The following SCAI variants were observed in gnomAD, a reference collection of about 807,000 sequenced individuals.
SCAI encodes the protein suppressor of cancer cell invasion.
Under a neutral mutation model 92.2 loss-of-function variants are expected in SCAI, and 24 were observed. The observed-to-expected ratio is 0.26, with a 90% CI of 0.19 to 0.37. SCAI has a LOEUF of 0.37. SCAI is among the 10% of genes least tolerant of loss of function. The probability of loss-of-function intolerance (pLI) is 1.00; values close to 1 mark genes in which losing one functional copy is unlikely to be tolerated. For synonymous variants in SCAI, 261 were observed against 258.6 expected, an observed-to-expected ratio of 1.01 and a Z score of -0.09; for missense variants, 450 against 736.2, an observed-to-expected ratio of 0.61 and a Z score of 4.50.
At chr9:124,999,768 C>A in intron 13 of SCAI, 123 bp downstream of exon 13, 1 of 594,890 alleles carries the variant, frequency 1.7e-6, no homozygotes, top group Non-Finnish European at 2.9e-6. Flanking sequence ...TGGTCTGTCC[C>A]TAAATCTTAG....
chr9:125,088,747 G>C (rs1564408199), intron 2 of SCAI, among the ~76,000 whole-genome samples: 1 of 151,936 alleles, frequency 6.6e-6, no homozygotes, highest in Admixed American at 6.6e-5. Flanking sequence ...CAAAGTTCTA[G>C]GATTACAGGC....
At chr9:125,109,653 TTATC>T (rs61141143) in intron 2 of SCAI, among the ~76,000 whole-genome samples, 21,337 of 147,836 alleles carry the variant, frequency 0.14, 1,907 homozygotes, top group Admixed American at 0.26. Flanking sequence ...AGGTTTCCAT[TTATC>T]TATCTATCTA....
At chr9:124,972,181 T>A (rs115907398) in intron 15 of SCAI, among the ~76,000 whole-genome samples, 1,578 of 152,324 alleles carry the variant, frequency 0.01, 25 homozygotes, top group African/African-American at 0.036. Flanking sequence ...CAAACGCCAG[T>A]CTTTTTCATT....
intron 11 of SCAI, among the ~76,000 whole-genome samples, chr9:125,002,333 A>G (rs1832377583): frequency 6.6e-6 from 1 of 152,150 alleles, no homozygotes; most frequent in South Asian, 2.1e-4. Context: ...TCCTGACTAC[A>G]TGGCTACAAG....
chr9:125,022,715 G>A (rs1456802153), intron 6 of SCAI, among the ~76,000 whole-genome samples: 1 of 152,092 alleles, frequency 6.6e-6, no homozygotes, highest in African/African-American at 2.4e-5. Flanking sequence ...ACCGCTCTTG[G>A]CCTCGAAGAG....
At chr9:124,996,968 T>C (rs551878383) in intron 13 of SCAI, among the ~76,000 whole-genome samples, 1 of 152,278 alleles carries the variant, frequency 6.6e-6, no homozygotes, top group Non-Finnish European at 1.5e-5. Flanking sequence ...TGCTGTACTT[T>C]AAATGATATT....
chr9:125,042,650 C>T (rs1833345165), intron 3 of SCAI, among the ~76,000 whole-genome samples: 1 of 135,582 alleles, frequency 7.4e-6, no homozygotes, highest in Non-Finnish European at 1.6e-5. Flanking sequence ...CACACACACA[C>T]ACACACACAC....
chr9:125,019,278 C>T, intron 7 of SCAI, 73 bp from the exon 8 acceptor site: 1 of 813,214 alleles, frequency 1.2e-6, no homozygotes, highest in South Asian at 1.7e-5. Context: ...GAACCATATT[C>T]CTGACAGAAA....
chr9:125,132,892 G>A (rs1225580913), intron 2 of SCAI, among the ~76,000 whole-genome samples: 6 of 152,076 alleles, frequency 3.9e-5, no homozygotes, highest in Admixed American at 3.9e-4. Flanking sequence ...TTGAACTTGG[G>A]AGGCAGAGGT....
At chr9:125,097,562 T>C (rs1266178339) in intron 2 of SCAI, among the ~76,000 whole-genome samples, 1 of 151,946 alleles carries the variant, frequency 6.6e-6, no homozygotes, top group Non-Finnish European at 1.5e-5. Flanking sequence ...ATCTTCAATA[T>C]ATTAATACTT....
At chr9:124,978,258 T>C (rs1831802931) in intron 14 of SCAI, among the ~76,000 whole-genome samples, 1 of 152,104 alleles carries the variant, frequency 6.6e-6, no homozygotes, top group South Asian at 2.1e-4. Context: ...CTGGCCAACA[T>C]AATGAAACCC....
intron 3 of SCAI, among the ~76,000 whole-genome samples, chr9:125,042,340 C>A (rs1330396814): frequency 6.6e-6 from 1 of 151,962 alleles, no homozygotes; most frequent in Non-Finnish European, 1.5e-5. Flanking sequence ...TCAAATATAA[C>A]GTTGAGATAT....
intron 2 of SCAI, among the ~76,000 whole-genome samples, chr9:125,069,906 G>C (rs1297036062): frequency 6.6e-6 from 1 of 152,106 alleles, no homozygotes; most frequent in Non-Finnish European, 1.5e-5. Context: ...ACAGGCGTGA[G>C]CCACCGTGCC....
At chr9:124,994,168 G>A (rs550573501) in intron 14 of SCAI, among the ~76,000 whole-genome samples, 45 of 151,970 alleles carry the variant, frequency 3.0e-4, no homozygotes, top group Non-Finnish European at 4.7e-4. Context: ...CCAAGTAGCT[G>A]GGATTACAGG....
At chr9:125,021,568 G>C (rs548787387) in intron 6 of SCAI, among the ~76,000 whole-genome samples, 1 of 152,218 alleles carries the variant, frequency 6.6e-6, no homozygotes, top group South Asian at 2.1e-4. Flanking sequence ...TATTTTATCT[G>C]TTCACACATA....
chr9:124,964,530 G>C (rs1831502059), intron 17 of SCAI, among the ~76,000 whole-genome samples: 1 of 152,124 alleles, frequency 6.6e-6, no homozygotes, highest in African/African-American at 2.4e-5. Flanking sequence ...CTTTCATGAT[G>C]TTCTCTCCAT....
At chr9:125,099,454 G>T (rs1409130826) in intron 2 of SCAI, among the ~76,000 whole-genome samples, 1 of 151,890 alleles carries the variant, frequency 6.6e-6, no homozygotes, top group Non-Finnish European at 1.5e-5. Context: ...TAATTTTTTT[G>T]TATTTTTAGT....
At chr9:124,961,518 C>T (rs932959527) in intron 17 of SCAI, among the ~76,000 whole-genome samples, 1 of 151,438 alleles carries the variant, frequency 6.6e-6, no homozygotes, top group South Asian at 2.1e-4. Context: ...GGCGTGGTGG[C>T]ACACACCTGT....
At chr9:125,137,760 C>T (rs946341054) in intron 2 of SCAI, among the ~76,000 whole-genome samples, 4 of 152,016 alleles carry the variant, frequency 2.6e-5, no homozygotes, top group Non-Finnish European at 5.9e-5. Context: ...GCCACCATGC[C>T]CGGCTAATTT....
Sources: allele counts gnomAD v4.1 joint callset (sites outside exome capture counted in the v4.1 genomes callset), GRCh38; gene constraint gnomAD v4.1.1; transcripts MANE v1.5; gene names NCBI Gene and HGNC (gene_info 2026-07-23, HGNC 2026-07-21).